The following CPNE4 variants were observed in gnomAD, a reference collection of about 807,000 sequenced individuals.
CPNE4 encodes the protein copine-4.
A neutral mutation model predicts 67.9 loss-of-function variants in CPNE4; 25 were observed. The observed-to-expected ratio is 0.37, with a 90% confidence interval of 0.27 to 0.51. The LOEUF (loss-of-function observed/expected upper bound fraction) is 0.51, where lower values mean the gene tolerates loss of function less well. CPNE4 is among the 20% of genes least tolerant of loss of function. The pLI is 0.93. For synonymous variants in CPNE4, 242 were observed against 244.9 expected, an observed-to-expected ratio of 0.99 and a Z score of 0.11; for missense variants, 464 against 690.8, an observed-to-expected ratio of 0.67 and a Z score of 3.68.
Position 131,548,293 on chromosome 3 carries a change from GTATT to G in CPNE4, c.1302+1650_1302+1653del, listed in dbSNP as rs559378821. Among the ~76,000 whole-genome samples the G allele has an allele frequency of 3.8e-3, 573 of 152,164 alleles. 5 individuals are homozygous for G. Among genetic ancestry groups the G allele is most frequent in the African/African-American group, 0.013 (549 of 41,518 alleles). ...TGGCTTTATATGCGTTCTTTAAGTA[GTATT>G]TATTAAGCATGTACTGTGTGCAGGC... On this transcript the variant is annotated intron_variant, in intron 14 of 15. Coordinates refer to ENST00000429747, the MANE Select transcript of CPNE4 (RefSeq NM_130808.3).
chr3:131,642,200 A>T (rs2079558662), intron 7 of CPNE4, among the ~76,000 whole-genome samples: 1 of 151,226 alleles, frequency 6.6e-6, no homozygotes, highest in South Asian at 2.1e-4. Context: ...TAGTGTTCAG[A>T]ATATTCAAAT....
intron 1 of CPNE4, among the ~76,000 whole-genome samples, chr3:131,934,761 C>A (rs992448687): frequency 6.6e-6 from 1 of 152,120 alleles, no homozygotes; most frequent in Non-Finnish European, 1.5e-5. Context: ...AGAGACAAAG[C>A]TGTGGGAGCT....
At chr3:131,839,145 C>A (rs1026374080) in intron 2 of CPNE4, among the ~76,000 whole-genome samples, 2 of 151,692 alleles carry the variant, frequency 1.3e-5, no homozygotes, top group Non-Finnish European at 3.0e-5. Context: ...GAGGTGAGGA[C>A]AAGAATTGTG....
intron 10 of CPNE4, among the ~76,000 whole-genome samples, chr3:131,566,988 T>C (rs186539664): frequency 1.1e-4 from 16 of 152,048 alleles, no homozygotes; most frequent in East Asian, 3.9e-4. Context: ...ACAAACACCT[T>C]GTGGCCCACC....
chr3:131,903,411 GAA>G (rs11353270), intron 2 of CPNE4, among the ~76,000 whole-genome samples: 1 of 148,178 alleles, frequency 6.7e-6, no homozygotes, highest in East Asian at 2.0e-4. Context: ...TGCAAAAAAG[GAA>G]AAAAAAAACA....
chr3:131,982,812 T>A (rs750815443), intron 1 of CPNE4, among the ~76,000 whole-genome samples: 3 of 152,074 alleles, frequency 2.0e-5, no homozygotes, highest in East Asian at 1.9e-4. Context: ...AATTGGCTTA[T>A]AATAAGGAAA....
chr3:131,966,738 CCAAA>C (rs954940689), intron 1 of CPNE4, among the ~76,000 whole-genome samples: 11 of 152,072 alleles, frequency 7.2e-5, no homozygotes, highest in South Asian at 2.1e-4. Context: ...TAATAGACTA[CCAAA>C]CAAACAAACA....
At chr3:131,581,792 A>G in intron 8 of CPNE4, 127 bp from the exon 9 acceptor site, 1 of 683,004 alleles carries the variant, frequency 1.5e-6, no homozygotes, top group Non-Finnish European at 2.7e-6. Context: ...CTAGGTGGTA[A>G]CTCTTGCATC....
At chr3:131,865,195 T>C (rs928616213) in intron 2 of CPNE4, among the ~76,000 whole-genome samples, 5 of 152,186 alleles carry the variant, frequency 3.3e-5, no homozygotes, top group African/African-American at 1.2e-4. Flanking sequence ...TGCCAGGCTT[T>C]GGTATCAGGA....
intron 1 of CPNE4, among the ~76,000 whole-genome samples, chr3:131,965,250 G>A (rs1393242704): frequency 6.6e-6 from 1 of 152,156 alleles, no homozygotes; most frequent in Non-Finnish European, 1.5e-5. Flanking sequence ...AGAAAAAACA[G>A]TACCAGCCAC....
intron 11 of CPNE4, among the ~76,000 whole-genome samples, chr3:131,562,066 C>G (rs982453009): frequency 6.6e-6 from 1 of 152,024 alleles, no homozygotes; most frequent in African/African-American, 2.4e-5. Context: ...CAATCTTACT[C>G]TATTAAAAAT....
At chr3:131,954,968 G>GAAAAAAAAAAAAAA in intron 1 of CPNE4, among the ~76,000 whole-genome samples, 1 of 137,506 alleles carries the variant, frequency 7.3e-6, no homozygotes, top group Non-Finnish European at 1.6e-5. Context: ...GTATGCATGT[G>GAAAAAAAAAAAAAA]AAAAAAAAAA....
intron 14 of CPNE4, among the ~76,000 whole-genome samples, chr3:131,546,437 A>T (rs189221357): frequency 1.3e-5 from 2 of 152,298 alleles, no homozygotes; most frequent in East Asian, 3.9e-4. Flanking sequence ...AAAATCCTAT[A>T]GCAACAGACT....
At chr3:131,721,103 C>T (rs544920164) in intron 3 of CPNE4, among the ~76,000 whole-genome samples, 3 of 152,240 alleles carry the variant, frequency 2.0e-5, no homozygotes, top group Admixed American at 6.5e-5. Context: ...TTATGATAAT[C>T]GCCATTTAAT....
chr3:131,614,941 A>G (rs927715563), intron 7 of CPNE4, among the ~76,000 whole-genome samples: 6 of 152,156 alleles, frequency 3.9e-5, no homozygotes, highest in African/African-American at 1.4e-4. Flanking sequence ...CAGGGAAAAT[A>G]GAGTCTCCCT....
chr3:131,696,579 A>G lies in CPNE4; in HGVS notation c.470T>C (p.Val157Ala). Residue 157 changes from valine to alanine, a missense_variant, in exon 5 of 16, where the codon GTT becomes GCT. Val to Ala is a moderately conservative substitution (Grantham distance 64). Coordinates refer to ENST00000429747, the MANE Select transcript of CPNE4 (RefSeq NM_130808.3). ...AEELSGNDDY[V>A]ELAFNARKLD... Reference sequence around the variant, plus strand: ...TTTCCGTGCATTGAATGCAAGCTCAACATAGTCGTCATTGCCAGATAATTC... The same window carrying G: ...TTTCCGTGCATTGAATGCAAGCTCAGCATAGTCGTCATTGCCAGATAATTC... 6.2e-7 allele frequency: 1 copy of G among 1,614,062 alleles called. No individual in the cohort carries two copies. The highest frequency in any genetic ancestry group is 8.5e-7 in the Non-Finnish European group (1 of 1,179,938).
chr3:131,789,331 T>A (rs528154888), intron 2 of CPNE4, among the ~76,000 whole-genome samples: 3 of 152,296 alleles, frequency 2.0e-5, no homozygotes, highest in Non-Finnish European at 2.9e-5. Flanking sequence ...GAGACTCACA[T>A]TCTTCTTTTA....
At chr3:131,584,222 G>A (rs895959663) in intron 8 of CPNE4, among the ~76,000 whole-genome samples, 2 of 151,966 alleles carry the variant, frequency 1.3e-5, no homozygotes, top group Non-Finnish European at 2.9e-5. Context: ...CTCTCCCTAG[G>A]TGTACTCATC....
chr3:131,814,576 T>TAAGAGTGCCTTCAAATGCCA (rs2084659870), intron 2 of CPNE4, among the ~76,000 whole-genome samples: 1 of 5,956 alleles, frequency 1.7e-4, no homozygotes, highest in African/African-American at 5.7e-4. Context: ...AATGCAATTT[T>TAAGAGTGCCTTCAAATGCCA]TTTTTTTTTT....
Sources: gnomAD v4.1 joint callset for allele counts (sites outside exome capture counted in the v4.1 genomes callset) on GRCh38, gnomAD v4.1.1 for gene constraint, MANE v1.5 for transcripts, NCBI Gene and HGNC (gene_info 2026-07-23, HGNC 2026-07-21) for gene names.